The following AHCYL1 variants were observed in gnomAD, a reference collection of about 807,000 sequenced individuals.
The protein encoded by AHCYL1 is S-adenosylhomocysteine hydrolase-like protein 1.
A neutral mutation model predicts 79.3 loss-of-function variants in AHCYL1; 20 were observed. The observed-to-expected ratio is 0.25, with a 90% CI of 0.18 to 0.37. The LOEUF (loss-of-function observed/expected upper bound fraction) is 0.37. AHCYL1 is among the 10% of genes least tolerant of loss of function. The probability of loss-of-function intolerance (pLI) is 1.00; values close to 1 mark genes in which losing one functional copy is unlikely to be tolerated. For synonymous variants in AHCYL1, 223 were observed against 242.2 expected (o/e 0.92, Z 0.74); for missense variants, 330 against 673.6 (o/e 0.49, Z 5.65).
At position 110,018,639 on chromosome 1, in the gene AHCYL1, C is replaced by G. The variant is rs1281971298; in HGVS notation, c.1306C>G (p.Leu436Val). 1.9e-6 allele frequency: 3 copies of G among 1,613,034 alleles called. No homozygotes were observed. The highest frequency in any genetic ancestry group is 4.5e-5 in the East Asian group (2 of 44,872). Residue 436 changes from leucine to valine, a missense_variant, in exon 13 of 17, where the codon CTC becomes GTC. Coordinates refer to ENST00000369799, the MANE Select transcript of AHCYL1 (RefSeq NM_006621.7). Reference sequence around the variant, plus strand: ...CTGGCCAGATGGCAAACGAGTTGTCCTCCTGGCAGAGGTACACACAGAGAA... The same window carrying G: ...CTGGCCAGATGGCAAACGAGTTGTCGTCCTGGCAGAGGTACACACAGAGAA... ...VIWPDGKRVV[L>V]LAEGRLLNLS... is the part of the protein sequence containing the mutation.
intron 5 of AHCYL1, 78 bp downstream of exon 5, chr1:110,013,077 A>G: frequency 1.8e-6 from 2 of 1,118,678 alleles, no homozygotes; most frequent in Non-Finnish European, 2.6e-6. Context: ...CAAAATTGTC[A>G]TTACAATATC....
At chr1:109,995,987 A>G (rs1412672523) in intron 1 of AHCYL1, among the ~76,000 whole-genome samples, 1 of 152,206 alleles carries the variant, frequency 6.6e-6, no homozygotes, top group African/African-American at 2.4e-5. Flanking sequence ...TGGGAGGCCA[A>G]GGCAGGCAGA....
intron 1 of AHCYL1, 98 bp downstream of exon 1, chr1:109,985,270 TGACTGGG>T: frequency 6.8e-7 from 1 of 1,465,470 alleles, no homozygotes; most frequent in East Asian, 2.8e-5. Context: ...CTTCTGGGGG[TGACTGGG>T]GACGGCGGAG....
chr1:110,018,704 A>T, intron 13 of AHCYL1, 54 bp downstream of exon 13: 3 of 1,389,884 alleles, frequency 2.2e-6, no homozygotes, highest in Non-Finnish European at 3.0e-6. Flanking sequence ...AGTTAGATCT[A>T]TGAGGGGGGA....
rs1357435504 is a variant in AHCYL1 at position 110,008,202 on chromosome 1, A to G, written c.121-832A>G. On this transcript the variant is annotated intron_variant, in intron 1 of 16. Transcript: ENST00000369799. The stretch of plus-strand genomic sequence containing the variant: ...AAGCCCAGCTAATTTTTGTATTTTT[A>G]GTAGAGACGGGGCTTCACCGTCTTG... Among the ~76,000 whole-genome samples the G allele has an allele frequency of 2.0e-5, 3 of 151,968 alleles. No homozygotes were observed. In the South Asian group the frequency reaches 6.3e-4, roughly 32 times the overall value.
chr1:110,001,712 C>G (rs187852113), intron 1 of AHCYL1, among the ~76,000 whole-genome samples: 53 of 152,216 alleles, frequency 3.5e-4, no homozygotes, highest in African/African-American at 1.2e-3. Context: ...CGTAGAGTAT[C>G]AGGGCTAGGA....
rs144215768 is a variant in AHCYL1 at position 110,002,848 on chromosome 1, G to C, written c.121-6186G>C. Among the ~76,000 whole-genome samples the C allele has an allele frequency of 7.2e-3, 1,093 of 152,284 alleles. 10 individuals carry two copies. Among genetic ancestry groups the C allele is most frequent in the African/African-American group, 0.016 (667 of 41,548 alleles). ...ACTACATAATGCAGGAAATATTCTT[G>C]CCAGAATTTTAACCTTTTTCAAATA... On this transcript the variant is annotated intron_variant, in intron 1 of 16. Coordinates refer to ENST00000369799, the MANE Select transcript of AHCYL1 (RefSeq NM_006621.7).
Position 109,995,346 on chromosome 1 carries a change from C to T in AHCYL1, c.120+10174C>T, listed in dbSNP as rs533528995. Among the ~76,000 whole-genome samples the T allele has an allele frequency of 2.6e-5, 4 of 152,298 alleles. No homozygotes were observed. The South Asian group carries it at 8.3e-4, about 32-fold the overall frequency. On this transcript the variant is annotated intron_variant, in intron 1 of 16. Transcript: ENST00000369799. ...CCGCAGCGAGGGGATTAGCTGAGCACTGGGCATGTCTGGAATGAGAGCACT... is the reference window on the plus strand; with the variant it reads ...CCGCAGCGAGGGGATTAGCTGAGCATTGGGCATGTCTGGAATGAGAGCACT...
At chr1:109,989,867 G>C (rs1304274003) in intron 1 of AHCYL1, among the ~76,000 whole-genome samples, 3 of 152,200 alleles carry the variant, frequency 2.0e-5, no homozygotes, top group Admixed American at 6.5e-5. Flanking sequence ...GTCATGTGAA[G>C]GGCAACCTAC....
intron 16 of AHCYL1, 136 bp from the exon 17 acceptor site, chr1:110,021,538 G>T (rs1651793656): frequency 1.4e-6 from 1 of 707,406 alleles, no homozygotes. Context: ...AGGGAGACTG[G>T]TGCCCTGGGG....
rs1330936549 is a variant in AHCYL1 at position 110,014,863 on chromosome 1, A to G, written c.675+6A>G. On this transcript the variant is annotated splice_donor_region_variant and intron_variant, in intron 6 of 16. Transcript: ENST00000369799. ...ATGGGTGGCAGGCCAACATGGTAAT[A>G]ATGCATATACATCCTACACTTTGAC... 3.9e-5 allele frequency: 62 copies of G among 1,609,414 alleles called. No homozygotes were observed. The Admixed American group carries it at 1.0e-3, about 26-fold the overall frequency.
rs1472609214 is a variant in AHCYL1 at position 109,995,623 on chromosome 1, G to T, written c.120+10451G>T. On this transcript the variant is annotated intron_variant, in intron 1 of 16. Transcript: ENST00000369799. ...CTTTATCAAGAGCCTAGTAAACTCA[G>T]TGTACTTGTGTTTCCTTTTCAGATC... is the stretch of plus-strand genomic sequence containing the variant. 1.3e-5 allele frequency: 13 copies of T among 980,988 alleles called. No individual in the cohort carries two copies. The East Asian group carries it at 6.8e-4, about 51-fold the overall frequency. 60.8% of individuals were successfully genotyped at this position (980,988 alleles called of 1,614,324 possible).
At position 110,011,201 on chromosome 1, in the gene AHCYL1, T is replaced by G; in HGVS notation, c.233-13T>G. The G allele has an allele frequency of 6.2e-7, 1 of 1,612,650 alleles. No individual in the cohort carries two copies. Among genetic ancestry groups the G allele is most frequent in the Non-Finnish European group, 8.5e-7 (1 of 1,179,512 alleles). ...GGTTTTTCTATCCTTGTTTTTTTCT[T>G]TCCTGGCTCTAGCTGCATCCTACAC... On this transcript the variant is annotated splice_polypyrimidine_tract_variant and intron_variant, in intron 2 of 16. Transcript: ENST00000369799.
chr1:110,018,107 T>A, intron 11 of AHCYL1, 91 bp downstream of exon 11: 5 of 1,378,886 alleles, frequency 3.6e-6, no homozygotes, highest in Non-Finnish European at 5.1e-6. Flanking sequence ...GAGACCTCTG[T>A]TCAGTATAAA....
At chr1:109,986,761 C>T (rs1404730496) in intron 1 of AHCYL1, among the ~76,000 whole-genome samples, 1 of 152,152 alleles carries the variant, frequency 6.6e-6, no homozygotes, top group Non-Finnish European at 1.5e-5. Flanking sequence ...TGTAAAAACT[C>T]ATTAAGGCAG....
Position 110,015,567 on chromosome 1 carries a change from T to C in AHCYL1, c.782+36T>C, listed in dbSNP as rs185084590. 6,071 of 1,567,708 alleles carry C rather than the reference T, an allele frequency of 3.9e-3. 17 individuals carry two copies. The highest frequency in any genetic ancestry group is 4.7e-3 in the Non-Finnish European group (5,351 of 1,137,792). On this transcript the variant is annotated intron_variant, in intron 7 of 16. Transcript: ENST00000369799. The stretch of plus-strand genomic sequence containing the variant: ...CTGGAGTAGCTGCCCCTTGTGTCCT[T>C]GCCTCAGCAAACTCTCCTGGTCTCT...
chr1:110,018,224 C>G, intron 11 of AHCYL1, 149 bp from the exon 12 acceptor site: 1 of 889,974 alleles, frequency 1.1e-6, no homozygotes, highest in South Asian at 1.7e-5. Context: ...ACCAGATAGC[C>G]TAAGGAGCGG....
rs937814728 is a variant in AHCYL1 at position 110,021,811 on chromosome 1, A to T, written c.*131A>T. 1 of 1,005,496 alleles carries T rather than the reference A, an allele frequency of 9.9e-7. No individual in the cohort carries two copies. Among genetic ancestry groups the T allele is most frequent in the Non-Finnish European group, 1.4e-6 (1 of 690,402 alleles). 62.3% of individuals were successfully genotyped at this position (1,005,496 alleles called of 1,614,324 possible). A position where few individuals can be genotyped will look rare whatever the true frequency, so the allele number is the denominator to read the frequency against. On this transcript the variant is annotated 3_prime_UTR_variant, in exon 17 of 17. Transcript: ENST00000369799. Reference sequence around the variant, plus strand: ...CCTATAATTTCATTCTTGTTTTTTCATCTCATTATCCAAGTTCTGCAGACC... The same window carrying T: ...CCTATAATTTCATTCTTGTTTTTTCTTCTCATTATCCAAGTTCTGCAGACC...
At chr1:110,000,789 A>G (rs1019405974) in intron 1 of AHCYL1, 1 of 201,688 alleles carries the variant, frequency 5.0e-6, no homozygotes, top group African/African-American at 2.4e-5. Context: ...CAGTGTTGGT[A>G]GCAAATTGCC....
Sources: gnomAD v4.1 joint callset for allele counts (sites outside exome capture counted in the v4.1 genomes callset) on GRCh38, gnomAD v4.1.1 for gene constraint, MANE v1.5 for transcripts, NCBI Gene and HGNC (gene_info 2026-07-23, HGNC 2026-07-21) for gene names.